VPS50: variants seen among roughly 807,000 people sequenced by gnomAD.
VPS50 encodes the protein VPS50 subunit of EARP/GARPII complex.
Under a neutral mutation model 139.7 loss-of-function variants are expected in VPS50, and 70 were observed. That is an observed-to-expected ratio of 0.50 (90% CI 0.41 to 0.61). The LOEUF (loss-of-function observed/expected upper bound fraction) is 0.61, where lower values mean the gene tolerates loss of function less well. Among genes scored for constraint, VPS50 ranks in the 20% least tolerant of loss-of-function variants. The pLI is 0.00. For synonymous variants in VPS50, 365 were observed against 376.7 expected (o/e 0.97, Z 0.36); for missense variants, 921 against 1,133.7 (o/e 0.81, Z 2.69).
chr7:93,292,361 G>A (rs989023031), intron 13 of VPS50, among the ~76,000 whole-genome samples: 8 of 151,930 alleles, frequency 5.3e-5, no homozygotes, highest in African/African-American at 1.7e-4. Context: ...AATGACTGTG[G>A]TACAGTCAGC....
intron 20 of VPS50, among the ~76,000 whole-genome samples, chr7:93,314,847 G>A (rs976280455): frequency 4.6e-5 from 7 of 151,912 alleles, no homozygotes; most frequent in African/African-American, 1.7e-4. Context: ...TTTCATTGGG[G>A]GAAGGTCAAA....
intron 2 of VPS50, among the ~76,000 whole-genome samples, chr7:93,252,236 G>A (rs527411211): frequency 5.9e-5 from 9 of 152,118 alleles, no homozygotes; most frequent in Non-Finnish European, 1.2e-4. Flanking sequence ...CTCCAAAGTT[G>A]ATTGTGACCC....
intron 21 of VPS50, among the ~76,000 whole-genome samples, chr7:93,330,628 C>T (rs1797907780): frequency 6.6e-6 from 1 of 151,932 alleles, no homozygotes; most frequent in South Asian, 2.1e-4. Flanking sequence ...GTGGCTTGCT[C>T]CTGTAGTCCC....
chr7:93,346,624 GAGATAT>G (rs959242500), intron 23 of VPS50, among the ~76,000 whole-genome samples: 8 of 151,826 alleles, frequency 5.3e-5, no homozygotes. Context: ...TACCAAAACA[GAGATAT>G]AGATCAATGG....
intron 4 of VPS50, 67 bp from the exon 5 acceptor site, chr7:93,256,442 A>G (rs1317290468): frequency 2.5e-6 from 2 of 787,000 alleles, no homozygotes; most frequent in Non-Finnish European, 4.0e-6. Flanking sequence ...AAATTCAAAT[A>G]TAAAATATCA....
Position 93,335,918 on chromosome 7 carries a change from G to A in VPS50, c.2058+1721G>A, listed in dbSNP as rs76521839. ...TCTGCCTCAGATTTTACCACATAGT[G>A]TATAATGAATTATTACTCATACTGA... On this transcript the variant is annotated intron_variant, in intron 22 of 27. Transcript: ENST00000305866. Among the ~76,000 whole-genome samples, 14 of 152,254 alleles carry A rather than the reference G, an allele frequency of 9.2e-5. No individual in the cohort carries two copies. The East Asian group carries it at 2.7e-3, about 29-fold the overall frequency.
chr7:93,296,314 GCTGA>G (rs1253837633), intron 14 of VPS50, among the ~76,000 whole-genome samples: 1 of 151,862 alleles, frequency 6.6e-6, no homozygotes, highest in Non-Finnish European at 1.5e-5. Flanking sequence ...GTGGATTTAG[GCTGA>G]CTGTTTTCTG....
intron 22 of VPS50, among the ~76,000 whole-genome samples, chr7:93,340,074 G>A (rs1012213154): frequency 4.6e-5 from 7 of 152,134 alleles, no homozygotes; most frequent in African/African-American, 1.4e-4. Context: ...CCTTCACAGT[G>A]AAGTGACCCT....
At position 93,319,529 on chromosome 7, in the gene VPS50, A is replaced by G. The variant is rs528692673; in HGVS notation, c.1856-4082A>G. Among the ~76,000 whole-genome samples the G allele has an allele frequency of 3.3e-5, 5 of 152,338 alleles. No individual in the cohort carries two copies. The South Asian group carries it at 1.0e-3, about 32-fold the overall frequency. ...CTATGAATAGACTTGTAGATTAAAA[A>G]TTATTTTCTTCAGAACTGGAACTTC... On this transcript the variant is annotated intron_variant, in intron 20 of 27. Transcript: ENST00000305866.
intron 21 of VPS50, among the ~76,000 whole-genome samples, chr7:93,328,642 A>G (rs1407251120): frequency 1.3e-5 from 2 of 152,196 alleles, no homozygotes; most frequent in African/African-American, 4.8e-5. Context: ...AAGGGGAGCT[A>G]TGAAAATAAA....
chr7:93,306,799 G>T (rs1797127939), intron 18 of VPS50, among the ~76,000 whole-genome samples: 1 of 151,860 alleles, frequency 6.6e-6, no homozygotes, highest in African/African-American at 2.4e-5. Context: ...TGAAGCTAAA[G>T]TGAAAACCAT....
chr7:93,234,153 G>T (rs1035689571), intron 1 of VPS50, among the ~76,000 whole-genome samples: 1 of 152,204 alleles, frequency 6.6e-6, no homozygotes, highest in Non-Finnish European at 1.5e-5. Context: ...GTTTGATGCT[G>T]TCTCAAGTTT....
In VPS50 at chr7:93,296,728, T is replaced by G; in HGVS notation, c.1168-14T>G. ...TTTTGGGTTTGCTTGATTTTCTTTT[T>G]CTTTGCCTTACAGGATGTTCAGCTA... On this transcript the variant is annotated splice_polypyrimidine_tract_variant and intron_variant, in intron 14 of 27. Coordinates refer to ENST00000305866, the MANE Select transcript of VPS50 (RefSeq NM_017667.4). The G allele has an allele frequency of 6.2e-7, 1 of 1,600,008 alleles. No individual in the cohort carries two copies. Among genetic ancestry groups the G allele is most frequent in the Non-Finnish European group, 8.5e-7 (1 of 1,177,468 alleles).
chr7:93,276,058 G>A (rs1390995737), intron 11 of VPS50, 107 bp from the exon 12 acceptor site: 5 of 1,041,968 alleles, frequency 4.8e-6, no homozygotes, highest in African/African-American at 3.2e-5. Flanking sequence ...TTATCTTTGT[G>A]TTGTAACTAT....
intron 17 of VPS50, 93 bp downstream of exon 17, chr7:93,303,643 T>G: frequency 1.8e-6 from 1 of 551,610 alleles, no homozygotes. Context: ...TATGAAAACA[T>G]TTATAAAATA....
At chr7:93,268,026 T>G (rs1017352200) in intron 9 of VPS50, among the ~76,000 whole-genome samples, 1 of 152,202 alleles carries the variant, frequency 6.6e-6, no homozygotes, top group Non-Finnish European at 1.5e-5. Context: ...CTCAGATGTC[T>G]TTAGGGACCA....
chr7:93,276,030 A>G lies in VPS50; in HGVS notation c.802-135A>G, dbSNP rs2116894275. The G allele has an allele frequency of 1.1e-5, 9 of 794,832 alleles. No homozygotes were observed. The East Asian group carries it at 2.1e-4, about 19-fold the overall frequency. The allele number at this position is 794,832 out of a possible 1,614,324, so 49.2% of individuals were successfully genotyped here. On this transcript the variant is annotated intron_variant, in intron 11 of 27. Transcript: ENST00000305866. The stretch of plus-strand genomic sequence containing the variant: ...ATATACCCAGTATAATTTTCCCAGT[A>G]TAATTCTGGGAAAACTATTATCTTT...
chr7:93,319,334 T>C (rs1312730720), intron 20 of VPS50, among the ~76,000 whole-genome samples: 1 of 152,242 alleles, frequency 6.6e-6, no homozygotes, highest in African/African-American at 2.4e-5. Context: ...CGTTCTCTTG[T>C]TTCTAGTTCT....
In VPS50 at chr7:93,334,185, C is replaced by A. The variant is rs1798011076; in HGVS notation, c.2046C>A (p.Ser682Arg). The change falls in exon 22 of 28, where the codon AGC becomes AGA. Residue 682 changes from serine to arginine, a missense_variant. Coordinates refer to ENST00000305866, the MANE Select transcript of VPS50 (RefSeq NM_017667.4). ...LRTTLNRIQE[S>R]LIDLEVSADP... is the part of the protein sequence containing the mutation. ...CAACTCTAAACAGAATACAAGAAAGCCTTATTGATCTAGTAAGTAACGAAT... is the reference window on the plus strand; with the variant it reads ...CAACTCTAAACAGAATACAAGAAAGACTTATTGATCTAGTAAGTAACGAAT... 1 of 1,546,138 alleles carries A rather than the reference C, an allele frequency of 6.5e-7. No individual in the cohort carries two copies. Among genetic ancestry groups the A allele is most frequent in the East Asian group, 2.3e-5 (1 of 44,204 alleles).
Sources: gnomAD v4.1 joint callset for allele counts (sites outside exome capture counted in the v4.1 genomes callset) on GRCh38, gnomAD v4.1.1 for gene constraint, MANE v1.5 for transcripts, NCBI Gene and HGNC (gene_info 2026-07-23, HGNC 2026-07-21) for gene names.